ANO10: variants seen among roughly 807,000 people sequenced by gnomAD.
The protein encoded by ANO10 is anoctamin-10.
A neutral mutation model predicts 74.7 loss-of-function variants in ANO10; 77 were observed. That is an observed-to-expected ratio of 1.03 (90% confidence interval 0.86 to 1.25). The LOEUF is 1.25. Among genes scored for constraint, ANO10 ranks in the 50% most tolerant of loss-of-function variants. ANO10 has a pLI of 0.00. For synonymous variants in ANO10, 279 were observed against 284.9 expected (o/e 0.98, Z 0.21); for missense variants, 721 against 778.1 (o/e 0.93, Z 0.87).
intron 12 of ANO10, among the ~76,000 whole-genome samples, chr3:43,394,108 T>A (rs2092331747): frequency 1.3e-5 from 2 of 152,162 alleles, no homozygotes; most frequent in Admixed American, 6.5e-5. Context: ...GTAGGCCTGA[T>A]AAGTGTTGGT....
intron 11 of ANO10, among the ~76,000 whole-genome samples, chr3:43,547,021 C>T (rs1322279695): frequency 1.3e-5 from 2 of 151,838 alleles, no homozygotes; most frequent in African/African-American, 4.8e-5. Flanking sequence ...ATTAAAGATA[C>T]AGGGAAAAAA....
intron 11 of ANO10, among the ~76,000 whole-genome samples, chr3:43,492,943 G>T (rs1575255148): frequency 6.6e-6 from 1 of 152,098 alleles, no homozygotes; most frequent in African/African-American, 2.4e-5. Flanking sequence ...CTGGGCATAT[G>T]CCCAAAGGAT....
At chr3:43,610,757 C>T (rs1435944695) in intron 1 of ANO10, among the ~76,000 whole-genome samples, 4 of 152,176 alleles carry the variant, frequency 2.6e-5, no homozygotes, top group African/African-American at 9.7e-5. Flanking sequence ...AATTAGACTT[C>T]AATGAACTCT....
At chr3:43,379,824 A>G (rs905543486) in intron 12 of ANO10, among the ~76,000 whole-genome samples, 2 of 152,228 alleles carry the variant, frequency 1.3e-5, no homozygotes, top group African/African-American at 4.8e-5. Flanking sequence ...CAATGGATCC[A>G]AACCAAGATC....
At chr3:43,497,844 T>C (rs1559615987) in intron 11 of ANO10, among the ~76,000 whole-genome samples, 1 of 152,234 alleles carries the variant, frequency 6.6e-6, no homozygotes. Context: ...AAATACAATA[T>C]TTTTGATACT....
At chr3:43,489,122 A>G (rs1482452797) in intron 11 of ANO10, among the ~76,000 whole-genome samples, 1 of 141,456 alleles carries the variant, frequency 7.1e-6, no homozygotes, top group African/African-American at 2.6e-5. Flanking sequence ...TTGAACAATG[A>G]GATCACCTGG....
Position 43,463,691 on chromosome 3 carries a change from G to T in ANO10, c.1798-30964C>A, listed in dbSNP as rs1267471221. Among the ~76,000 whole-genome samples, 46 of 152,336 alleles carry T rather than the reference G, an allele frequency of 3.0e-4. 1 individual carries two copies. On this transcript the variant is annotated intron_variant, in intron 11 of 12. Transcript: ENST00000292246. ...ACCTGCTTTTGATTTTAGAGACTCA[G>T]GTGGAAGGGACTTGCCTTGTCTTGG...
intron 11 of ANO10, among the ~76,000 whole-genome samples, chr3:43,440,447 T>C (rs1430563922): frequency 6.6e-6 from 1 of 152,038 alleles, no homozygotes; most frequent in African/African-American, 2.4e-5. Context: ...CAAACTGTTA[T>C]AAGAGACAAA....
At chr3:43,475,900 C>A (rs544678566) in intron 11 of ANO10, among the ~76,000 whole-genome samples, 3 of 152,216 alleles carry the variant, frequency 2.0e-5, no homozygotes, top group African/African-American at 7.2e-5. Flanking sequence ...CCACACCTGG[C>A]CTACAAATTT....
intron 11 of ANO10, among the ~76,000 whole-genome samples, chr3:43,479,098 T>C (rs1324356395): frequency 6.6e-6 from 1 of 151,878 alleles, no homozygotes; most frequent in Non-Finnish European, 1.5e-5. Context: ...CACTCGTGCA[T>C]AGATTATTGT....
intron 1 of ANO10, among the ~76,000 whole-genome samples, chr3:43,647,937 C>T (rs2083743923): frequency 6.6e-6 from 1 of 152,174 alleles, no homozygotes; most frequent in African/African-American, 2.4e-5. Context: ...GCCTCAACTA[C>T]TACTATTACC....
chr3:43,623,564 T>C (rs570187530), upstream of ANO10, among the ~76,000 whole-genome samples: 1 of 152,298 alleles, frequency 6.6e-6, no homozygotes, highest in South Asian at 2.1e-4. Flanking sequence ...GAATGAACAC[T>C]TTCTGCCTCC....
At chr3:43,587,129 C>T (rs991760955) in intron 4 of ANO10, among the ~76,000 whole-genome samples, 3 of 152,064 alleles carry the variant, frequency 2.0e-5, no homozygotes, top group Non-Finnish European at 4.4e-5. Context: ...TAAAAAATAA[C>T]GTCAAGACAT....
intron 1 of ANO10, among the ~76,000 whole-genome samples, chr3:43,643,917 C>T (rs1017241915): frequency 1.3e-5 from 2 of 151,954 alleles, no homozygotes; most frequent in Non-Finnish European, 2.9e-5. Flanking sequence ...ATCTCCTAAC[C>T]TCATGATCCG....
At chr3:43,618,542 C>G (rs887069039) in intron 1 of ANO10, among the ~76,000 whole-genome samples, 3 of 152,088 alleles carry the variant, frequency 2.0e-5, no homozygotes, top group Non-Finnish European at 4.4e-5. Context: ...GAAGAAGTTC[C>G]CAAGACACAG....
At chr3:43,682,827 A>T (rs1290095582) in intron 1 of ANO10, among the ~76,000 whole-genome samples, 1 of 152,222 alleles carries the variant, frequency 6.6e-6, no homozygotes, top group East Asian at 1.9e-4. Context: ...CAACGACAAA[A>T]AACACATGAT....
At chr3:43,465,249 T>G (rs1021059894) in intron 11 of ANO10, among the ~76,000 whole-genome samples, 4 of 152,152 alleles carry the variant, frequency 2.6e-5, no homozygotes, top group African/African-American at 9.7e-5. Context: ...GGGAAATGTG[T>G]CATTAGATGA....
At chr3:43,511,269 C>T (rs2077498567) in intron 11 of ANO10, among the ~76,000 whole-genome samples, 1 of 152,074 alleles carries the variant, frequency 6.6e-6, no homozygotes, top group African/African-American at 2.4e-5. Context: ...TCTAGTAACA[C>T]AAATTAGATT....
chr3:43,564,372 G>A (rs2080203902), intron 8 of ANO10, among the ~76,000 whole-genome samples: 1 of 151,106 alleles, frequency 6.6e-6, no homozygotes, highest in African/African-American at 2.4e-5. Context: ...AACAGCATAT[G>A]TACCCCATAA....
Sources: allele counts gnomAD v4.1 joint callset (sites outside exome capture counted in the v4.1 genomes callset), GRCh38; gene constraint gnomAD v4.1.1; transcripts MANE v1.5; gene names NCBI Gene and HGNC (gene_info 2026-07-23, HGNC 2026-07-21).